The following ASB7 variants were observed in gnomAD, a reference collection of about 807,000 sequenced individuals.
ASB7 encodes ankyrin repeat and SOCS box protein 7.
In ASB7, 4 loss-of-function variants were observed where a neutral mutation model predicts 32.5. The ratio of observed to expected loss-of-function variants is 0.12; its 90% CI spans 0.06 to 0.28. The LOEUF is 0.28. ASB7 is among the 10% of genes least tolerant of loss of function. The pLI is 1.00. For synonymous variants in ASB7, 172 were observed against 155.6 expected (o/e 1.11, Z -0.78); for missense variants, 181 against 407.1 (o/e 0.44, Z 4.78).
chr15:100,643,449 C>T (rs981576374), intron 5 of ASB7, among the ~76,000 whole-genome samples: 5 of 150,924 alleles, frequency 3.3e-5, no homozygotes, highest in African/African-American at 9.8e-5. Context: ...ATCCCCCATT[C>T]CATAACCTTT....
intron 2 of ASB7, among the ~76,000 whole-genome samples, chr15:100,606,149 A>G (rs368175033): frequency 2.0e-5 from 3 of 150,452 alleles, no homozygotes; most frequent in South Asian, 4.2e-4. Flanking sequence ...TTTTCCATCC[A>G]TCTTCCCTCT....
At chr15:100,612,583 T>A in intron 4 of ASB7, 156 bp downstream of exon 4, 1 of 737,832 alleles carries the variant, frequency 1.4e-6, no homozygotes, top group Non-Finnish European at 2.2e-6. Context: ...AGTGTGCCTT[T>A]TTGTTTAAAA....
chr15:100,649,033 A>C lies in ASB7; in HGVS notation c.*571A>C, dbSNP rs2040014384. On this transcript the variant is annotated 3_prime_UTR_variant, in exon 6 of 6. Coordinates refer to ENST00000332783, the MANE Select transcript of ASB7 (RefSeq NM_198243.3). ...TGACATAAATCCAGTATCTCTGCTTATGACATAAATCCAGTACCTCTGCTT... is the reference window on the plus strand; with the variant it reads ...TGACATAAATCCAGTATCTCTGCTTCTGACATAAATCCAGTACCTCTGCTT... The C allele has an allele frequency of 6.6e-6, 1 of 152,664 alleles. No homozygotes were observed. Among genetic ancestry groups the C allele is most frequent in the Non-Finnish European group, 1.5e-5 (1 of 68,052 alleles). 9.5% of individuals were successfully genotyped at this position (152,664 alleles called of 1,614,324 possible). A position where few individuals can be genotyped will look rare whatever the true frequency, so the allele number is the denominator to read the frequency against.
At chr15:100,619,691 C>T (rs1427787100) in intron 4 of ASB7, among the ~76,000 whole-genome samples, 7 of 152,074 alleles carry the variant, frequency 4.6e-5, no homozygotes, top group African/African-American at 9.7e-5. Flanking sequence ...TTCATATACC[C>T]GCCTGGTAAA....
chr15:100,638,755 T>C (rs1454283926), intron 5 of ASB7, among the ~76,000 whole-genome samples: 1 of 152,216 alleles, frequency 6.6e-6, no homozygotes, highest in Non-Finnish European at 1.5e-5. Flanking sequence ...ACATGTGCCA[T>C]GGTGGTTTGC....
intron 5 of ASB7, among the ~76,000 whole-genome samples, chr15:100,644,556 C>T (rs2039984751): frequency 6.6e-6 from 1 of 152,200 alleles, no homozygotes; most frequent in African/African-American, 2.4e-5. Flanking sequence ...TCATATTCGC[C>T]GAGTACCGTG....
At chr15:100,634,961 G>A (rs1208269330) in intron 5 of ASB7, among the ~76,000 whole-genome samples, 1 of 152,204 alleles carries the variant, frequency 6.6e-6, no homozygotes. Flanking sequence ...AGGAGGCGGT[G>A]TCTGATTGGC....
chr15:100,639,636 A>G (rs1175242932), intron 5 of ASB7, among the ~76,000 whole-genome samples: 1 of 152,212 alleles, frequency 6.6e-6, no homozygotes, highest in Non-Finnish European at 1.5e-5. Flanking sequence ...TCTTTGGAGA[A>G]GTAATTTATG....
At chr15:100,640,211 C>T (rs2039951394) in intron 5 of ASB7, among the ~76,000 whole-genome samples, 1 of 152,058 alleles carries the variant, frequency 6.6e-6, no homozygotes, top group Non-Finnish European at 1.5e-5. Flanking sequence ...ATGGTGTGAT[C>T]TCAGCTCACT....
intron 4 of ASB7, among the ~76,000 whole-genome samples, chr15:100,627,067 T>C (rs2039845724): frequency 6.6e-6 from 1 of 152,158 alleles, no homozygotes; most frequent in South Asian, 2.1e-4. Flanking sequence ...AGTGAATGCA[T>C]TTTACCTCAA....
intron 2 of ASB7, among the ~76,000 whole-genome samples, chr15:100,603,771 TGA>T (rs2039601638): frequency 6.6e-6 from 1 of 152,216 alleles, no homozygotes; most frequent in Non-Finnish European, 1.5e-5. Context: ...AAAAATCTTT[TGA>T]GTTATCTAAC....
At chr15:100,617,683 C>G (rs1309711340) in intron 4 of ASB7, among the ~76,000 whole-genome samples, 1 of 152,102 alleles carries the variant, frequency 6.6e-6, no homozygotes, top group Non-Finnish European at 1.5e-5. Flanking sequence ...TATTATTGTT[C>G]CCTGTACTTT....
Position 100,648,390 on chromosome 15 carries a change from A to C in ASB7, c.885A>C (p.Leu295=), listed in dbSNP as rs919161674. ...GACAATGTATAGGCCTTCAAAACCT[A>C]AAGCTACTTGATGAACTACCAATTG... The part of the protein sequence containing the change: ...KIRQCIGLQN[L]KLLDELPIAK... Residue 295 remains leucine (L), a synonymous_variant, in exon 6 of 6, where the codon CTA becomes CTC. Transcript: ENST00000332783. 2.5e-6 allele frequency: 4 copies of C among 1,610,776 alleles called. No individual in the cohort carries two copies. Among genetic ancestry groups the C allele is most frequent in the Non-Finnish European group, 3.4e-6 (4 of 1,177,138 alleles).
intron 5 of ASB7, among the ~76,000 whole-genome samples, chr15:100,640,719 A>C (rs2141406162): frequency 6.6e-6 from 1 of 152,260 alleles, no homozygotes; most frequent in South Asian, 2.1e-4. Context: ...GAATCCAGGT[A>C]TTTTTAAACA....
At chr15:100,603,131 C>T (rs2141380944) in intron 1 of ASB7, 84 bp from the exon 2 acceptor site, 2 of 397,492 alleles carry the variant, frequency 5.0e-6, no homozygotes, top group East Asian at 3.6e-5. Context: ...CTTGCCTGCC[C>T]TTGCCACTCT....
At chr15:100,632,454 A>G (rs573698804) in intron 5 of ASB7, among the ~76,000 whole-genome samples, 18 of 152,336 alleles carry the variant, frequency 1.2e-4, no homozygotes, top group Non-Finnish European at 2.4e-4. Context: ...GGCTCTAAAT[A>G]GGTTTTCTTT....
intron 4 of ASB7, among the ~76,000 whole-genome samples, chr15:100,619,153 G>C (rs1359785473): frequency 6.6e-6 from 1 of 152,158 alleles, no homozygotes; most frequent in Admixed American, 6.5e-5. Context: ...AAGCGTGGTT[G>C]GAGTGGAAAT....
At chr15:100,648,300 T>C (rs1329173760) in intron 5 of ASB7, 23 bp from the exon 6 acceptor site, 8 of 1,566,462 alleles carry the variant, frequency 5.1e-6, no homozygotes, top group Non-Finnish European at 6.9e-6. Context: ...CTTTGTAACA[T>C]TTTCTTTTTT....
intron 4 of ASB7, among the ~76,000 whole-genome samples, chr15:100,623,899 A>T (rs1338003692): frequency 6.6e-6 from 1 of 152,258 alleles, no homozygotes; most frequent in African/African-American, 2.4e-5. Flanking sequence ...TTGTGTGTTT[A>T]TTACAGCACT....
Sources: gnomAD v4.1 joint callset for allele counts (sites outside exome capture counted in the v4.1 genomes callset) on GRCh38, gnomAD v4.1.1 for gene constraint, MANE v1.5 for transcripts, NCBI Gene and HGNC (gene_info 2026-07-23, HGNC 2026-07-21) for gene names.